LONP2: variants seen among roughly 807,000 people sequenced by gnomAD.
The protein encoded by LONP2 is lon peptidase 2, peroxisomal.
LONP2 carries 60 observed loss-of-function variants against 85.6 expected under a neutral mutation model. The ratio of observed to expected loss-of-function variants is 0.70; its 90% CI spans 0.57 to 0.87. The LOEUF (loss-of-function observed/expected upper bound fraction) is 0.87. Ranked by LOEUF, LONP2 falls within the 40% of genes least tolerant of loss-of-function variation. The pLI is 0.00. For missense variants in LONP2, 860 were observed against 1,063.5 expected (o/e 0.81, Z 2.66); for synonymous variants, 395 against 389.7 (o/e 1.01, Z -0.16).
At chr16:48,266,656 G>T (rs372050974) in intron 6 of LONP2, among the ~76,000 whole-genome samples, 1 of 152,024 alleles carries the variant, frequency 6.6e-6, no homozygotes, top group Non-Finnish European at 1.5e-5. Flanking sequence ...TTATTTTGAG[G>T]TTCATCCATG....
intron 8 of LONP2, among the ~76,000 whole-genome samples, chr16:48,289,981 G>A (rs548730233): frequency 3.3e-5 from 5 of 152,244 alleles, no homozygotes; most frequent in Non-Finnish European, 7.4e-5. Flanking sequence ...TGAAAATTCT[G>A]TAGGTGTTAT....
At chr16:48,281,741 C>T (rs956599678) in intron 8 of LONP2, among the ~76,000 whole-genome samples, 1 of 152,074 alleles carries the variant, frequency 6.6e-6, no homozygotes, top group African/African-American at 2.4e-5. Flanking sequence ...AGTCACTAGT[C>T]TAGATATAGT....
At chr16:48,250,574 A>G (rs534772338) in intron 1 of LONP2, among the ~76,000 whole-genome samples, 2 of 151,714 alleles carry the variant, frequency 1.3e-5, no homozygotes, top group Non-Finnish European at 2.9e-5. Context: ...CTGATCGGAG[A>G]TTTGGATTTG....
intron 11 of LONP2, among the ~76,000 whole-genome samples, chr16:48,306,730 A>C (rs1048581737): frequency 6.6e-6 from 1 of 152,220 alleles, no homozygotes; most frequent in Admixed American, 6.5e-5. Flanking sequence ...CCAAACCAAA[A>C]GAATAATTTC....
intron 11 of LONP2, among the ~76,000 whole-genome samples, chr16:48,330,827 A>T (rs887118901): frequency 4.6e-5 from 7 of 152,190 alleles, no homozygotes; most frequent in African/African-American, 1.7e-4. Flanking sequence ...ATTTTTTAAT[A>T]ACACAGCTGC....
At chr16:48,316,452 G>A (rs1212974376) in intron 11 of LONP2, among the ~76,000 whole-genome samples, 6 of 146,292 alleles carry the variant, frequency 4.1e-5, no homozygotes, top group East Asian at 2.1e-4. Flanking sequence ...TCAGCCTCCC[G>A]AGTAGCTGGG....
chr16:48,260,201 T>A (rs1249694673), intron 4 of LONP2, among the ~76,000 whole-genome samples: 1 of 152,196 alleles, frequency 6.6e-6, no homozygotes, highest in African/African-American at 2.4e-5. Flanking sequence ...AAGCATATAT[T>A]TAGTACTTGT....
At chr16:48,286,804 C>CTT (rs112306337) in intron 8 of LONP2, among the ~76,000 whole-genome samples, 1,856 of 143,084 alleles carry the variant, frequency 0.013, 38 homozygotes, top group African/African-American at 0.044. Flanking sequence ...GCTGACTTCT[C>CTT]TTTTTTTTTT....
rs1166957549 is a variant in LONP2 at position 48,269,043 on chromosome 16, C to T, written c.983-973C>T. Among the ~76,000 whole-genome samples the T allele has an allele frequency of 2.6e-5, 4 of 152,110 alleles. No individual in the cohort carries two copies. The East Asian group carries it at 7.7e-4, about 29-fold the overall frequency. ...CCAGCTAGTGAATTCATTTTGGCTT[C>T]TGTTACCTGGTGTTTAATCTGAGTA... On this transcript the variant is annotated intron_variant, in intron 6 of 14. Coordinates refer to ENST00000285737, the MANE Select transcript of LONP2 (RefSeq NM_031490.5).
At chr16:48,271,034 T>G (rs76411618) in intron 7 of LONP2, among the ~76,000 whole-genome samples, 2,077 of 152,194 alleles carry the variant, frequency 0.014, 48 homozygotes, top group African/African-American at 0.047. Context: ...TAAAAAATTA[T>G]GCAGGCACAG....
intron 11 of LONP2, among the ~76,000 whole-genome samples, chr16:48,313,897 T>C (rs1973086384): frequency 6.6e-6 from 1 of 152,248 alleles, no homozygotes; most frequent in Non-Finnish European, 1.5e-5. Context: ...TCTTCCACAA[T>C]GGTTGAACTA....
intron 11 of LONP2, among the ~76,000 whole-genome samples, chr16:48,309,682 G>T (rs1056651794): frequency 6.6e-6 from 1 of 151,972 alleles, no homozygotes; most frequent in African/African-American, 2.4e-5. Flanking sequence ...TTGATTTTTA[G>T]TTTTATTCCA....
In LONP2 at chr16:48,270,286, C is replaced by T; in HGVS notation, c.1241+12C>T. 6.2e-7 allele frequency: 1 copy of T among 1,611,780 alleles called. No individual in the cohort carries two copies. Among genetic ancestry groups the T allele is most frequent in the Non-Finnish European group, 8.5e-7 (1 of 1,178,372 alleles). On this transcript the variant is annotated intron_variant, in intron 7 of 14. Transcript: ENST00000285737. ...ATTCGAGGACACAGGTAGAACACTT[C>T]TCTCAGTTTAATCTCTGATTCCTCT...
Position 48,316,906 on chromosome 16 carries a change from C to CT in LONP2, c.1795+13602dup, listed in dbSNP as rs1451221043. Among the ~76,000 whole-genome samples the CT allele has an allele frequency of 8.5e-4, 129 of 152,214 alleles. 1 individual carries two copies. The highest frequency in any genetic ancestry group is 8.3e-4 in the South Asian group (4 of 4,824). ...AGACATTGGATGAAAAATACAAGGGCTGTAACTATTATCCTCTGAAAAGTG... is the reference window on the plus strand; with the variant it reads ...AGACATTGGATGAAAAATACAAGGGCTTGTAACTATTATCCTCTGAAAAGTG... On this transcript the variant is annotated intron_variant, in intron 11 of 14. Transcript: ENST00000285737.
rs1238828222 is a variant in LONP2, at chr16:48,347,494, T to G, written c.1939-13T>G. 6.2e-7 allele frequency: 1 copy of G among 1,614,026 alleles called. No individual in the cohort carries two copies. Among genetic ancestry groups the G allele is most frequent in the Non-Finnish European group, 8.5e-7 (1 of 1,179,984 alleles). ...TTTGCCAACCCAACTCTGATCATTC[T>G]TCTTCTTTCAAGGTATCTCAGCGTT... On this transcript the variant is annotated splice_polypyrimidine_tract_variant and intron_variant, in intron 12 of 14. Transcript: ENST00000285737.
chr16:48,308,949 A>T (rs1442695576), intron 11 of LONP2, among the ~76,000 whole-genome samples: 1 of 152,206 alleles, frequency 6.6e-6, no homozygotes, highest in Non-Finnish European at 1.5e-5. Context: ...GCAACTCAAC[A>T]ACAACAAAAG....
Position 48,253,869 on chromosome 16 carries a change from A to G in LONP2, c.468+1504A>G, listed in dbSNP as rs536508972. ...CTGGGCTCAGTTCATATTCAATTATATGTTTTGTTTTTGTATCCATGTCTG... is the reference window on the plus strand; with the variant it reads ...CTGGGCTCAGTTCATATTCAATTATGTGTTTTGTTTTTGTATCCATGTCTG... On this transcript the variant is annotated intron_variant, in intron 2 of 14. Coordinates refer to ENST00000285737, the MANE Select transcript of LONP2 (RefSeq NM_031490.5). Among the ~76,000 whole-genome samples, 3 of 152,304 alleles carry G rather than the reference A, an allele frequency of 2.0e-5. No homozygotes were observed. The South Asian group carries it at 6.2e-4, about 32-fold the overall frequency.
intron 12 of LONP2, among the ~76,000 whole-genome samples, chr16:48,339,700 C>T (rs550916180): frequency 1.3e-5 from 2 of 152,174 alleles, no homozygotes; most frequent in African/African-American, 4.8e-5. Context: ...GAGGAAATGG[C>T]TTTTGTTGGG....
intron 8 of LONP2, among the ~76,000 whole-genome samples, chr16:48,294,360 T>A (rs1005306532): frequency 1.3e-5 from 2 of 152,218 alleles, no homozygotes; most frequent in Non-Finnish European, 2.9e-5. Context: ...TATTAAACAT[T>A]ATTAAGTCTT....
Sources: allele counts gnomAD v4.1 joint callset (sites outside exome capture counted in the v4.1 genomes callset), GRCh38; gene constraint gnomAD v4.1.1; transcripts MANE v1.5; gene names NCBI Gene and HGNC (gene_info 2026-07-23, HGNC 2026-07-21).